The following LRRC9 variants were observed in gnomAD, a reference collection of about 807,000 sequenced individuals.
LRRC9 encodes leucine rich repeat containing 9, also known as leucine-rich repeat-containing protein 9.
A neutral mutation model predicts 63.2 loss-of-function variants in LRRC9; 122 were observed. The ratio of observed to expected loss-of-function variants is 1.93; its 90% CI spans 1.67 to 2.24. LRRC9 has a LOEUF of 2.24. Among genes scored for constraint, LRRC9 ranks in the 30% most tolerant of loss-of-function variants. LRRC9 has a pLI of 0.00. For missense variants in LRRC9, 1,071 were observed against 627.7 expected, an observed-to-expected ratio of 1.71 and a Z score of -7.55; for synonymous variants, 366 against 213.1, an observed-to-expected ratio of 1.72 and a Z score of -6.25.
chr14:59,954,855 AG>A (rs1489329177), intron 8 of LRRC9, among the ~76,000 whole-genome samples: 2 of 152,214 alleles, frequency 1.3e-5, no homozygotes, highest in Non-Finnish European at 2.9e-5. Context: ...TTTAACATGA[AG>A]GGCTGTTGAA....
intron 1 of LRRC9, among the ~76,000 whole-genome samples, chr14:59,920,846 C>A (rs2139724001): frequency 6.6e-6 from 1 of 152,298 alleles, no homozygotes; most frequent in Middle Eastern, 3.4e-3. Flanking sequence ...TGTGGCATGA[C>A]AATTAACCCA....
intron 29 of LRRC9, among the ~76,000 whole-genome samples, chr14:60,043,527 T>C (rs1480700592): frequency 2.0e-5 from 3 of 152,214 alleles, no homozygotes; most frequent in African/African-American, 4.8e-5. Flanking sequence ...AAATGCCTTT[T>C]TGGCATCTAT....
chr14:59,983,226 GTTA>G (rs1187069773), intron 16 of LRRC9, among the ~76,000 whole-genome samples: 1 of 152,086 alleles, frequency 6.6e-6, no homozygotes, highest in African/African-American at 2.4e-5. Flanking sequence ...CCCTTTGGGT[GTTA>G]TTCATTATAT....
intron 4 of LRRC9, 58 bp from the exon 5 acceptor site, chr14:59,931,561 A>T: frequency 1.5e-6 from 1 of 675,944 alleles, no homozygotes; most frequent in South Asian, 1.6e-5. Context: ...ATCAGAGATG[A>T]TTTGTAAATG....
chr14:59,987,883 T>A (rs140601280), intron 17 of LRRC9, among the ~76,000 whole-genome samples: 5 of 152,348 alleles, frequency 3.3e-5, no homozygotes, highest in Non-Finnish European at 7.4e-5. Flanking sequence ...AGCATTCACA[T>A]AGAAAGTACA....
intron 23 of LRRC9, among the ~76,000 whole-genome samples, chr14:60,015,075 T>C (rs1406121599): frequency 1.3e-5 from 2 of 152,158 alleles, no homozygotes; most frequent in African/African-American, 2.4e-5. Context: ...ATTGAGTCCC[T>C]ATCCATTGCA....
chr14:60,019,473 T>C (rs1254263566), intron 26 of LRRC9, among the ~76,000 whole-genome samples: 1 of 151,918 alleles, frequency 6.6e-6, no homozygotes, highest in Admixed American at 6.6e-5. Flanking sequence ...GCCTTCTCCA[T>C]TTCAAACCTA....
Position 59,923,186 on chromosome 14 carries a change from T to C in LRRC9, c.-34+3303T>C, listed in dbSNP as rs1475634904. On this transcript the variant is annotated intron_variant, in intron 1 of 31. Coordinates refer to ENST00000445360, the Ensembl canonical transcript of LRRC9. This position sits in a 1 kb window ranked among gnomAD's most constrained non-coding sequence, Gnocchi z 4.2. Reference sequence around the variant, plus strand: ...GACTGGAGAAAACATACAAGACTTGTAAGTACCAGGAAGGCCTAGCATCCT... The same window carrying C: ...GACTGGAGAAAACATACAAGACTTGCAAGTACCAGGAAGGCCTAGCATCCT... 1.3e-5 allele frequency among the ~76,000 whole-genome samples: 2 copies of C among 152,244 alleles called. No homozygotes were observed. The highest frequency in any genetic ancestry group is 2.9e-5 in the Non-Finnish European group (2 of 68,036).
intron 3 of LRRC9, among the ~76,000 whole-genome samples, chr14:59,929,405 T>C (rs1371562610): frequency 5.4e-5 from 7 of 130,398 alleles, no homozygotes; most frequent in East Asian, 2.9e-4. Flanking sequence ...ATGGCTATTA[T>C]TAAAAAGTCA....
At chr14:59,952,209 G>A (rs1323580298) in intron 8 of LRRC9, among the ~76,000 whole-genome samples, 53 of 151,752 alleles carry the variant, frequency 3.5e-4, no homozygotes, top group African/African-American at 1.1e-3. Flanking sequence ...GTGGTGCGCC[G>A]TTTTTTAAGC....
chr14:59,995,788 G>A (rs1374981552), intron 17 of LRRC9, among the ~76,000 whole-genome samples: 1 of 151,978 alleles, frequency 6.6e-6, no homozygotes, highest in African/African-American at 2.4e-5. Flanking sequence ...CTATAGCCAG[G>A]CTGCAGTGCA....
At chr14:60,013,973 G>T (rs760198572) in intron 23 of LRRC9, among the ~76,000 whole-genome samples, 2 of 151,850 alleles carry the variant, frequency 1.3e-5, no homozygotes, top group Non-Finnish European at 2.9e-5. Context: ...TGTTTCCTTT[G>T]TTTATCTTTC....
rs1189894669 is a variant in LRRC9, at chr14:59,964,689, C to A, written c.1212-1900C>A. Among the ~76,000 whole-genome samples the A allele has an allele frequency of 1.8e-4, 27 of 152,150 alleles. No individual in the cohort carries two copies. The highest frequency in any genetic ancestry group is 2.9e-5 in the Non-Finnish European group (2 of 68,018). On this transcript the variant is annotated intron_variant, in intron 10 of 31. Transcript: ENST00000445360. The surrounding 1 kb of genome is among the most constrained non-coding windows in gnomAD (Gnocchi z 4.4). ...TTAGGGGAAATTTGACAGATTTAGG[C>A]CCAGCAAATGATCCCTCTATAGGAG...
chr14:59,975,949 T>G (rs576495277), intron 13 of LRRC9, among the ~76,000 whole-genome samples: 72 of 152,320 alleles, frequency 4.7e-4, no homozygotes, highest in Middle Eastern at 3.4e-3. Flanking sequence ...AAGCTTCATC[T>G]GTATTTGCAG....
intron 23 of LRRC9, among the ~76,000 whole-genome samples, chr14:60,010,071 G>C (rs1324690622): frequency 2.6e-5 from 4 of 152,162 alleles, no homozygotes; most frequent in African/African-American, 9.7e-5. Context: ...GCTGTGGGTG[G>C]ATCTACCATT....
chr14:59,951,920 A>G (rs1883175570), intron 8 of LRRC9, among the ~76,000 whole-genome samples: 1 of 152,150 alleles, frequency 6.6e-6, no homozygotes, highest in African/African-American at 2.4e-5. Flanking sequence ...AGACAGGGAC[A>G]TTTAAGTCTG....
exon 16 of LRRC9, chr14:59,981,848 G>A (rs1566841749): frequency 1.5e-6 from 1 of 689,540 alleles, no homozygotes; most frequent in Admixed American, 2.1e-5. Context: ...CATTTTTTAG[G>A]TCAAGGCACC....
chr14:59,924,676 C>G (rs900142917), intron 1 of LRRC9, among the ~76,000 whole-genome samples: 1 of 152,136 alleles, frequency 6.6e-6, no homozygotes, highest in Non-Finnish European at 1.5e-5. Context: ...TATGACAGTT[C>G]TTGTTACTCT....
intron 12 of LRRC9, among the ~76,000 whole-genome samples, chr14:59,974,120 A>G (rs1312584842): frequency 6.6e-6 from 1 of 152,086 alleles, no homozygotes; most frequent in Non-Finnish European, 1.5e-5. Context: ...ACAAACTAGG[A>G]TTTCCATGGG....
Sources: gnomAD v4.1 joint callset for allele counts (sites outside exome capture counted in the v4.1 genomes callset) on GRCh38, gnomAD v4.1.1 for gene constraint, Gnocchi (gnomAD v3.1) non-coding constraint, MANE v1.5 for transcripts, NCBI Gene and HGNC (gene_info 2026-07-23, HGNC 2026-07-21) for gene names.